Variants in LTBP1 observed in about 807,000 individuals in gnomAD.
LTBP1 encodes latent transforming growth factor beta binding protein 1.
LTBP1 carries 129 observed loss-of-function variants against 207.6 expected under a neutral mutation model. That is an observed-to-expected ratio of 0.62 (90% CI 0.54 to 0.72). The LOEUF (loss-of-function observed/expected upper bound fraction) is 0.72. LTBP1 is among the 30% of genes least tolerant of loss of function. The pLI, the probability that LTBP1 is intolerant of heterozygous loss-of-function variation, is 0.00. For missense variants in LTBP1, 2,281 were observed against 2,217.2 expected, an observed-to-expected ratio of 1.03 and a Z score of -0.58; for synonymous variants, 963 against 833.7, an observed-to-expected ratio of 1.16 and a Z score of -2.67.
chr2:33,233,142 C>G (rs983157382), intron 9 of LTBP1, among the ~76,000 whole-genome samples: 1 of 152,118 alleles, frequency 6.6e-6, no homozygotes, highest in African/African-American at 2.4e-5. Flanking sequence ...CACTTTCCAC[C>G]ATGCTTTTCT....
intron 12 of LTBP1, among the ~76,000 whole-genome samples, chr2:33,258,810 G>T (rs1486994867): frequency 6.6e-6 from 1 of 152,132 alleles, no homozygotes; most frequent in African/African-American, 2.4e-5. Flanking sequence ...TGCCCAACCT[G>T]TAAACTAATG....
chr2:33,306,407 TA>T (rs1322951033), intron 22 of LTBP1, among the ~76,000 whole-genome samples: 2 of 151,644 alleles, frequency 1.3e-5, no homozygotes, highest in African/African-American at 4.8e-5. Context: ...CCATCTCTAC[TA>T]AAAATACAAA....
At chr2:33,160,445 G>A (rs2084363504) in intron 5 of LTBP1, among the ~76,000 whole-genome samples, 1 of 152,102 alleles carries the variant, frequency 6.6e-6, no homozygotes, top group African/African-American at 2.4e-5. Flanking sequence ...AGCGTCCTTG[G>A]GTGGCCCTTC....
intron 3 of LTBP1, among the ~76,000 whole-genome samples, chr2:33,093,442 C>G (rs219123): frequency 0.79 from 120,498 of 151,982 alleles, 49,680 homozygotes; most frequent in East Asian, 1. Flanking sequence ...ACAATTCAAG[C>G]ATTTTGAAAC....
At position 33,268,801 on chromosome 2, in the gene LTBP1, A is replaced by G. The variant is rs369969815; in HGVS notation, c.2618-4855A>G. 9.2e-5 allele frequency among the ~76,000 whole-genome samples: 14 copies of G among 152,346 alleles called. No homozygotes were observed. The East Asian group carries it at 1.9e-3, about 21-fold the overall frequency. On this transcript the variant is annotated intron_variant, in intron 15 of 33. Coordinates refer to ENST00000404816, the MANE Select transcript of LTBP1 (RefSeq NM_206943.4). ...TTTTTGTAAACCTTTCCATGAGTTA[A>G]CATTTGATGCCTTCCTCTGGCTCTT...
chr2:33,378,849 T>C (rs981646264), intron 31 of LTBP1, among the ~76,000 whole-genome samples: 1 of 152,178 alleles, frequency 6.6e-6, no homozygotes, highest in Non-Finnish European at 1.5e-5. Flanking sequence ...TAAATTTTAT[T>C]CTCCTTTTAT....
chr2:33,054,647 GT>G (rs747819693), intron 3 of LTBP1, among the ~76,000 whole-genome samples: 3 of 152,226 alleles, frequency 2.0e-5, no homozygotes, highest in Non-Finnish European at 4.4e-5. Context: ...GTTACAGGCT[GT>G]CCCAGGATTC....
intron 30 of LTBP1, 22 bp from the exon 31 acceptor site, chr2:33,365,310 TG>T (rs758483929): frequency 6.2e-7 from 1 of 1,611,348 alleles, no homozygotes. Flanking sequence ...GCGATTTTCA[TG>T]GAACTATGTC....
At chr2:33,085,793 A>G (rs1421274720) in intron 3 of LTBP1, among the ~76,000 whole-genome samples, 2 of 152,158 alleles carry the variant, frequency 1.3e-5, no homozygotes, top group African/African-American at 4.8e-5. Flanking sequence ...AAGATAAACC[A>G]CATTTTAGAC....
Position 33,021,167 on chromosome 2 carries a change from C to T in LTBP1, c.824C>T (p.Pro275Leu), listed in dbSNP as rs148206651. Residue 275 changes from proline to leucine, a missense_variant, in exon 3 of 34, where the codon CCG becomes CTG. Coordinates refer to ENST00000404816, the MANE Select transcript of LTBP1 (RefSeq NM_206943.4). ...GCCCAGATGACCTTAACCCTCAAGCCGAAGCCTTCAGTGGGACTCCCCCAG... is the reference window on the plus strand; with the variant it reads ...GCCCAGATGACCTTAACCCTCAAGCTGAAGCCTTCAGTGGGACTCCCCCAG... ...PVAQMTLTLK[P>L]KPSVGLPQQI... is the part of the protein sequence containing the mutation. The T allele has an allele frequency of 1.2e-3, 1,896 of 1,609,256 alleles. 4 individuals are homozygous for T. Among genetic ancestry groups the T allele is most frequent in the Non-Finnish European group, 1.4e-3 (1,704 of 1,176,856 alleles).
At chr2:33,270,951 A>G (rs943510690) in intron 15 of LTBP1, among the ~76,000 whole-genome samples, 8 of 152,218 alleles carry the variant, frequency 5.3e-5, no homozygotes, top group East Asian at 1.9e-4. Flanking sequence ...GGGAAAGGCC[A>G]TTATTACTCA....
intron 2 of LTBP1, among the ~76,000 whole-genome samples, chr2:32,992,520 T>A (rs1684574953): frequency 6.6e-6 from 1 of 152,156 alleles, no homozygotes; most frequent in African/African-American, 2.4e-5. Flanking sequence ...GGTAGGTTGA[T>A]CCCAGAGCTC....
chr2:32,997,889 G>A (rs1435591911), intron 2 of LTBP1, among the ~76,000 whole-genome samples: 1 of 152,164 alleles, frequency 6.6e-6, no homozygotes, highest in Non-Finnish European at 1.5e-5. Flanking sequence ...AACTTTTCTG[G>A]TTCCAAGTGT....
rs562145680 is a variant in LTBP1, at chr2:33,010,784, A to C, written c.566-10125A>C. Among the ~76,000 whole-genome samples, 56 of 135,280 alleles carry C rather than the reference A, an allele frequency of 4.1e-4. 2 individuals are homozygous for C. The East Asian group carries it at 0.011, about 27-fold the overall frequency. 88.7% of individuals were successfully genotyped at this position (135,280 alleles called of 152,430 possible). A position where few individuals can be genotyped will look rare whatever the true frequency, so the allele number is the denominator to read the frequency against. ...CACCAAGCTGGAGTGCAGTGGCTTG[A>C]TCTTGTCTCACTGCAACCTCTGCCT... is the stretch of plus-strand genomic sequence containing the variant. On this transcript the variant is annotated intron_variant, in intron 2 of 33. Transcript: ENST00000404816.
At position 33,366,689 on chromosome 2, in the gene LTBP1, C is replaced by T. The variant is rs568105589; in HGVS notation, c.4711+1186C>T. ...CACCCTGTACAGCTCATTTGTAAAA[C>T]GGAGGCGTCTACATCTGTCCTGTTG... On this transcript the variant is annotated intron_variant, in intron 31 of 33. Transcript: ENST00000404816. 1.3e-4 allele frequency among the ~76,000 whole-genome samples: 20 copies of T among 152,302 alleles called. No individual in the cohort carries two copies. In the East Asian group the frequency reaches 1.5e-3, roughly 12 times the overall value.
chr2:33,272,283 C>T (rs537742491), intron 15 of LTBP1, among the ~76,000 whole-genome samples: 68 of 152,184 alleles, frequency 4.5e-4, no homozygotes, highest in Non-Finnish European at 8.8e-4. Context: ...GTGTTATTAG[C>T]GAGAATAGCC....
At chr2:33,065,124 G>A (rs1017644753) in intron 3 of LTBP1, among the ~76,000 whole-genome samples, 16 of 152,138 alleles carry the variant, frequency 1.1e-4, no homozygotes, top group African/African-American at 3.9e-4. Flanking sequence ...AAGGCTTGTT[G>A]TATTTGCCAG....
intron 3 of LTBP1, among the ~76,000 whole-genome samples, chr2:33,066,276 T>C (rs1572466986): frequency 6.6e-6 from 1 of 152,336 alleles, no homozygotes; most frequent in East Asian, 1.9e-4. Flanking sequence ...TTATATGTTG[T>C]CTATAGCTGC....
chr2:33,266,575 C>T (rs2093184492), intron 15 of LTBP1, among the ~76,000 whole-genome samples: 1 of 152,118 alleles, frequency 6.6e-6, no homozygotes, highest in South Asian at 2.1e-4. Context: ...TCCATGATCA[C>T]CCATGGACCA....
Sources: allele counts gnomAD v4.1 joint callset (sites outside exome capture counted in the v4.1 genomes callset), GRCh38; gene constraint gnomAD v4.1.1; transcripts MANE v1.5; gene names NCBI Gene and HGNC (gene_info 2026-07-23, HGNC 2026-07-21).